DGKD: variants seen among roughly 807,000 people sequenced by gnomAD.
The protein encoded by DGKD is DAG kinase delta.
Under a neutral mutation model 154.4 loss-of-function variants are expected in DGKD, and 68 were observed. That is an observed-to-expected ratio of 0.44 (90% CI 0.36 to 0.54). The LOEUF is 0.54. DGKD is among the 20% of genes least tolerant of loss of function. DGKD has a pLI of 0.00. For synonymous variants in DGKD, 693 were observed against 638.0 expected (o/e 1.09, Z -1.30); for missense variants, 1,343 against 1,593.6 (o/e 0.84, Z 2.68).
intron 3 of DGKD, among the ~76,000 whole-genome samples, chr2:233,413,525 T>C (rs1188783431): frequency 6.6e-6 from 1 of 152,186 alleles, no homozygotes; most frequent in Non-Finnish European, 1.5e-5. Context: ...AGAGAAGGGA[T>C]ATCATGGGGC....
chr2:233,462,214 A>T (rs2063667332), intron 24 of DGKD, 134 bp from the exon 25 acceptor site: 18 of 653,992 alleles, frequency 2.8e-5, no homozygotes, highest in Non-Finnish European at 4.4e-5. Context: ...CTGAGCCACG[A>T]TCCCTGTCGT....
intron 3 of DGKD, among the ~76,000 whole-genome samples, chr2:233,420,875 C>T (rs954515222): frequency 6.6e-6 from 1 of 152,120 alleles, no homozygotes; most frequent in African/African-American, 2.4e-5. Flanking sequence ...TCCCTGTGAT[C>T]AGTAGTGCTG....
At chr2:233,468,348 C>T in intron 28 of DGKD, 75 bp from the exon 29 acceptor site, 2 of 1,572,300 alleles carry the variant, frequency 1.3e-6, no homozygotes. Context: ...CTCTCGGGTG[C>T]TGGGTGCCAG....
rs66652929 is a variant in DGKD at position 233,367,851 on chromosome 2, CTT to C, written c.156+13195_156+13196del. Among the ~76,000 whole-genome samples, 1,200 of 123,970 alleles carry C rather than the reference CTT, an allele frequency of 9.7e-3. 11 individuals are homozygous for C. The highest frequency in any genetic ancestry group is 0.019 in the African/African-American group (612 of 31,624). 81.3% of individuals were successfully genotyped at this position (123,970 alleles called of 152,430 possible). A position where few individuals can be genotyped will look rare whatever the true frequency, so the allele number is the denominator to read the frequency against. On this transcript the variant is annotated intron_variant, in intron 1 of 29. Coordinates refer to ENST00000264057, the MANE Select transcript of DGKD (RefSeq NM_152879.3). ...GGTCTTTTCTTCCTCTTTTTTTTTT[CTT>C]TTTTTTTTTTTTTTTTTAATAGAAG...
At chr2:233,414,434 A>C (rs2061906082) in intron 3 of DGKD, among the ~76,000 whole-genome samples, 2 of 152,172 alleles carry the variant, frequency 1.3e-5, no homozygotes, top group Admixed American at 1.3e-4. Flanking sequence ...CAGAGTGCTG[A>C]GTTCATGTGA....
At chr2:233,433,392 G>A (rs1490558573) in intron 3 of DGKD, among the ~76,000 whole-genome samples, 1 of 151,628 alleles carries the variant, frequency 6.6e-6, no homozygotes, top group Admixed American at 6.6e-5. Context: ...AAAAAAAAAA[G>A]AAAACAGTTG....
At chr2:233,430,128 G>A (rs1432275239) in intron 3 of DGKD, among the ~76,000 whole-genome samples, 2 of 152,212 alleles carry the variant, frequency 1.3e-5, no homozygotes, top group Non-Finnish European at 2.9e-5. Context: ...AACACTGTTG[G>A]TGAGAATGCA....
At chr2:233,454,993 C>A in intron 19 of DGKD, 120 bp downstream of exon 19, 1 of 629,542 alleles carries the variant, frequency 1.6e-6, no homozygotes, top group Non-Finnish European at 2.8e-6. Context: ...AGGCGGGGGG[C>A]AGAAATGGAG....
At chr2:233,453,031 C>T (rs1444797136) in intron 18 of DGKD, among the ~76,000 whole-genome samples, 1 of 152,144 alleles carries the variant, frequency 6.6e-6, no homozygotes, top group Non-Finnish European at 1.5e-5. Flanking sequence ...CCTCCTGAGG[C>T]TTTTTTCCTT....
At chr2:233,384,853 C>T (rs9630962) in intron 1 of DGKD, among the ~76,000 whole-genome samples, 2,300 of 152,200 alleles carry the variant, frequency 0.015, 55 homozygotes, top group African/African-American at 0.052. Context: ...GAGCAGCTGC[C>T]GGCCTCTGCT....
At position 233,390,465 on chromosome 2, in the gene DGKD, C is replaced by T. The variant is rs766212730; in HGVS notation, c.330C>T (p.Asn110=). The T allele has an allele frequency of 1.4e-5, 23 of 1,613,960 alleles. No individual in the cohort carries two copies. The Middle Eastern group carries it at 8.3e-4, about 58-fold the overall frequency. Residue 110 remains asparagine, a synonymous_variant, in exon 3 of 30, where the codon AAC becomes AAT. Coordinates refer to ENST00000264057, the MANE Select transcript of DGKD (RefSeq NM_152879.3). ...DASVAESSTK[N]VNNSFTVITP... The stretch of plus-strand genomic sequence containing the variant: ...GCGTAGCTGAATCCAGTACCAAAAA[C>T]GTCAACAACAGTTTTACGGTAAGAT...
intron 3 of DGKD, among the ~76,000 whole-genome samples, chr2:233,397,806 A>AG (rs767328750): frequency 6.6e-6 from 1 of 151,588 alleles, no homozygotes; most frequent in Non-Finnish European, 1.5e-5. Flanking sequence ...GGAGGTGTCT[A>AG]GGGGGCAGTG....
chr2:233,393,334 CTTTTT>C (rs61587988), intron 3 of DGKD, among the ~76,000 whole-genome samples: 4 of 103,842 alleles, frequency 3.9e-5, no homozygotes, highest in Admixed American at 1.1e-4. Flanking sequence ...GGCCTGTTTC[CTTTTT>C]TTTTTTTTTT....
Position 233,449,287 on chromosome 2 carries a change from C to T in DGKD, c.1799C>T (p.Pro600Leu), listed in dbSNP as rs556101177. Residue 600 changes from proline (P) to leucine (L), a missense_variant, in exon 15 of 30, where the codon CCG becomes CTG. Physicochemically the swap from Pro to Leu is moderately conservative, Grantham distance 98. This residue lies in a region of DGKD where 409 missense variants were observed against 446.0 expected (regional missense o/e 0.92). Coordinates refer to ENST00000264057, the MANE Select transcript of DGKD (RefSeq NM_152879.3). The surrounding 1 kb of genome is among the most constrained non-coding windows in gnomAD (Gnocchi z 5.3). ...GTGGCATCAGCTTGCCCGGCCCGGC[C>T]GCAGATATTCCGGCCTCGAGAACAG... ...RLVASACPAR[P>L]QIFRPREQLM... 12 of 1,613,312 alleles carry T rather than the reference C, an allele frequency of 7.4e-6. No individual in the cohort carries two copies. Among genetic ancestry groups the T allele is most frequent in the East Asian group, 4.5e-5 (2 of 44,874 alleles).
chr2:233,370,315 G>A (rs1256553408), intron 1 of DGKD, among the ~76,000 whole-genome samples: 1 of 152,078 alleles, frequency 6.6e-6, no homozygotes, highest in East Asian at 1.9e-4. Flanking sequence ...CCAGGTTCAA[G>A]CGATCCTCTC....
rs535929914 is a variant in DGKD, at chr2:233,442,605, G to T, written c.1194+610G>T. The T allele has an allele frequency of 1.3e-4, 22 of 170,304 alleles. No homozygotes were observed. In the East Asian group the frequency reaches 3.2e-3, roughly 25 times the overall value. 10.5% of individuals were successfully genotyped at this position (170,304 alleles called of 1,614,324 possible). A position where few individuals can be genotyped will look rare whatever the true frequency, so the allele number is the denominator to read the frequency against. ...TTCTGTTACTGCTTTTGTTGTTGTT[G>T]TTTTTGTTTTTGTTTTTTTGAGGTG... On this transcript the variant is annotated intron_variant, in intron 10 of 29. Coordinates refer to ENST00000264057, the MANE Select transcript of DGKD (RefSeq NM_152879.3).
At chr2:233,362,018 G>A (rs1701805541) in intron 1 of DGKD, among the ~76,000 whole-genome samples, 2 of 152,094 alleles carry the variant, frequency 1.3e-5, no homozygotes, top group African/African-American at 4.8e-5. Flanking sequence ...AGCTGGTCTC[G>A]AACTCCCAAT....
chr2:233,377,011 T>C (rs1702609960), intron 1 of DGKD, among the ~76,000 whole-genome samples: 1 of 152,096 alleles, frequency 6.6e-6, no homozygotes, highest in Non-Finnish European at 1.5e-5. Context: ...AAAAACTAAG[T>C]TTATCTTCTT....
At chr2:233,362,686 G>T (rs1307395977) in intron 1 of DGKD, among the ~76,000 whole-genome samples, 1 of 152,124 alleles carries the variant, frequency 6.6e-6, no homozygotes, top group Non-Finnish European at 1.5e-5. Flanking sequence ...TAATACCTGA[G>T]AATTTTCTAC....
Sources: allele counts gnomAD v4.1 joint callset (sites outside exome capture counted in the v4.1 genomes callset), GRCh38; gene constraint gnomAD v4.1.1; regional missense constraint gnomAD v4.1.1; non-coding constraint Gnocchi (gnomAD v3.1); transcripts MANE v1.5; gene names NCBI Gene and HGNC (gene_info 2026-07-23, HGNC 2026-07-21).